PDZRN3: variants seen among roughly 807,000 people sequenced by gnomAD.
The protein encoded by PDZRN3 is E3 ubiquitin-protein ligase PDZRN3.
In PDZRN3, 38 loss-of-function variants were observed where a neutral mutation model predicts 85.7. The observed-to-expected ratio is 0.44, with a 90% CI of 0.34 to 0.58. The LOEUF (loss-of-function observed/expected upper bound fraction) is 0.58, where lower values mean the gene tolerates loss of function less well. Ranked by LOEUF, PDZRN3 falls within the 20% of genes least tolerant of loss-of-function variation. The probability of loss-of-function intolerance (pLI) is 0.01; values close to 1 mark genes in which losing one functional copy is unlikely to be tolerated. For synonymous variants in PDZRN3, 759 were observed against 638.0 expected (o/e 1.19, Z -2.86); for missense variants, 1,629 against 1,506.4 (o/e 1.08, Z -1.35).
chr3:73,544,433 C>T (rs1701371107), intron 3 of PDZRN3, among the ~76,000 whole-genome samples: 1 of 151,936 alleles, frequency 6.6e-6, no homozygotes, highest in South Asian at 2.1e-4. Flanking sequence ...GCTTTTCCCC[C>T]CAGTTTTATG....
At chr3:73,402,993 G>C (rs373317829) in intron 4 of PDZRN3, among the ~76,000 whole-genome samples, 1 of 147,380 alleles carries the variant, frequency 6.8e-6, no homozygotes, top group South Asian at 2.1e-4. Flanking sequence ...GCCCAGGCTG[G>C]AGTGCAGTGG....
chr3:73,422,847 G>T (rs1702231646), intron 3 of PDZRN3, among the ~76,000 whole-genome samples: 1 of 152,180 alleles, frequency 6.6e-6, no homozygotes, highest in African/African-American at 2.4e-5. Context: ...ATACTGGGAA[G>T]TTTCCAGGTA....
At position 73,499,238 on chromosome 3, in the gene PDZRN3, G is replaced by A. The variant is rs966477667; in HGVS notation, c.919-94843C>T. Among the ~76,000 whole-genome samples, 6 of 152,190 alleles carry A rather than the reference G, an allele frequency of 3.9e-5. No individual in the cohort carries two copies. The South Asian group carries it at 1.2e-3, about 32-fold the overall frequency. On this transcript the variant is annotated intron_variant, in intron 3 of 9. Transcript: ENST00000263666. Reference sequence around the variant, plus strand: ...CTCTGGGCACTGGTTACAAACATCAGTGAAGACCGGCGAGTCCTGATCTCA... The same window carrying A: ...CTCTGGGCACTGGTTACAAACATCAATGAAGACCGGCGAGTCCTGATCTCA...
Position 73,383,439 on chromosome 3 carries a change from G to A in PDZRN3, c.3127C>T (p.Leu1043Phe), listed in dbSNP as rs778111536. Residue 1043 changes from leucine to phenylalanine, a missense_variant, in exon 10 of 10, where the codon CTC becomes TTC. Coordinates refer to ENST00000263666, the MANE Select transcript of PDZRN3 (RefSeq NM_015009.3). ...GGGGATTTTGTGCCGTGGGTTAAGA[G>A]TTCTTGGATCGTCATCCAGTTATCG... is the stretch of plus-strand genomic sequence containing the variant. ...IFDNWMTIQELLTHGTKSPDG... is the reference protein window; with the variant it reads ...IFDNWMTIQEFLTHGTKSPDG... 6.2e-7 allele frequency: 1 copy of A among 1,614,094 alleles called. No homozygotes were observed. Among genetic ancestry groups the A allele is most frequent in the East Asian group, 2.2e-5 (1 of 44,878 alleles).
At chr3:73,599,901 G>A (rs1253874776) in intron 3 of PDZRN3, among the ~76,000 whole-genome samples, 1 of 152,240 alleles carries the variant, frequency 6.6e-6, no homozygotes, top group East Asian at 1.9e-4. Flanking sequence ...CTGGCATATT[G>A]ATATATTTTA....
intron 3 of PDZRN3, among the ~76,000 whole-genome samples, chr3:73,442,681 G>A (rs1017674670): frequency 5.1e-5 from 7 of 136,562 alleles, no homozygotes; most frequent in South Asian, 2.4e-4. Flanking sequence ...AGCAGCAGTC[G>A]TCTGAAAATG....
intron 1 of PDZRN3, among the ~76,000 whole-genome samples, chr3:73,613,166 C>A (rs2106910696): frequency 6.6e-6 from 1 of 152,160 alleles, no homozygotes; most frequent in African/African-American, 2.4e-5. Flanking sequence ...TTTAGGGGAC[C>A]AGTGGAGTGA....
rs5850113 is a variant in PDZRN3 at position 73,492,984 on chromosome 3, C to CTTTTTTT, written c.919-88596_919-88590dup. 3.6e-4 allele frequency among the ~76,000 whole-genome samples: 37 copies of CTTTTTTT among 104,016 alleles called. 1 individual carries two copies. Among genetic ancestry groups the CTTTTTTT allele is most frequent in the South Asian group, 7.1e-4 (2 of 2,800 alleles). 68.2% of individuals were successfully genotyped at this position (104,016 alleles called of 152,430 possible). A position where few individuals can be genotyped will look rare whatever the true frequency, so the allele number is the denominator to read the frequency against. ...TAGACTAGATGGAAGGCTTTTCAAC[C>CTTTTTTT]TTTTTTTTTTTTTTTTTTGGCCCTC... On this transcript the variant is annotated intron_variant, in intron 3 of 9. Transcript: ENST00000263666.
chr3:73,388,013 T>C lies in PDZRN3; in HGVS notation c.1473A>G (p.Glu491=). The change falls in exon 8 of 10, where the codon GAA becomes GAG. Residue 491 remains glutamate (E), a synonymous_variant. Transcript: ENST00000263666. Reference sequence around the variant, plus strand: ...TCAGCAATGAAAAGTTTTTATTTTCTTCACTGGTTAGAAGAGCCACAGCCT... The same window carrying C: ...TCAGCAATGAAAAGTTTTTATTTTCCTCACTGGTTAGAAGAGCCACAGCCT... ...REEAVALLTS[E]ENKNFSLLIA... 7.0e-6 allele frequency: 11 copies of C among 1,582,558 alleles called. No homozygotes were observed. The highest frequency in any genetic ancestry group is 1.3e-5 in the African/African-American group (1 of 74,120).
chr3:73,586,204 A>C (rs1702274452), intron 3 of PDZRN3, among the ~76,000 whole-genome samples: 1 of 152,194 alleles, frequency 6.6e-6, no homozygotes, highest in Admixed American at 6.5e-5. Context: ...CTTCTAAAGA[A>C]AGGAACTCTT....
chr3:73,463,679 A>C (rs1703152228), intron 3 of PDZRN3, among the ~76,000 whole-genome samples: 1 of 152,232 alleles, frequency 6.6e-6, no homozygotes, highest in South Asian at 2.1e-4. Flanking sequence ...ATATATGCTC[A>C]AAGAAATATA....
At chr3:73,575,263 C>T (rs1370459880) in intron 3 of PDZRN3, among the ~76,000 whole-genome samples, 2 of 152,106 alleles carry the variant, frequency 1.3e-5, no homozygotes, top group Admixed American at 6.5e-5. Context: ...TTGCAGTTCA[C>T]GTCGGTGCCT....
chr3:73,616,980 T>C (rs908835181), intron 1 of PDZRN3, among the ~76,000 whole-genome samples: 2 of 152,212 alleles, frequency 1.3e-5, no homozygotes, highest in Non-Finnish European at 2.9e-5. Context: ...CAGGGCACCT[T>C]GGAGTCAGCC....
chr3:73,383,267 A>T lies in PDZRN3; in HGVS notation c.*98T>A. 4 of 1,136,836 alleles carry T rather than the reference A, an allele frequency of 3.5e-6. No individual in the cohort carries two copies. The highest frequency in any genetic ancestry group is 5.1e-6 in the Non-Finnish European group (4 of 788,020). The allele number at this position is 1,136,836 out of a possible 1,614,324, so 70.4% of individuals were successfully genotyped here. ...TTTGGACTATAAACATGAAGACCGT[A>T]CTTATCTTATATACAAAAACTTGCC... On this transcript the variant is annotated 3_prime_UTR_variant, in exon 10 of 10. Coordinates refer to ENST00000263666, the MANE Select transcript of PDZRN3 (RefSeq NM_015009.3).
intron 3 of PDZRN3, among the ~76,000 whole-genome samples, chr3:73,457,662 C>T (rs1236821294): frequency 6.6e-6 from 1 of 152,156 alleles, no homozygotes; most frequent in Non-Finnish European, 1.5e-5. Context: ...GTATGTGTCT[C>T]TCCAAAATTC....
At chr3:73,588,185 T>TC (rs1702305028) in intron 3 of PDZRN3, among the ~76,000 whole-genome samples, 1 of 152,130 alleles carries the variant, frequency 6.6e-6, no homozygotes, top group Non-Finnish European at 1.5e-5. Context: ...CGTGCAGTAT[T>TC]TGGTTTTCTG....
At chr3:73,591,273 C>T (rs1702353023) in intron 3 of PDZRN3, among the ~76,000 whole-genome samples, 1 of 152,104 alleles carries the variant, frequency 6.6e-6, no homozygotes, top group African/African-American at 2.4e-5. Flanking sequence ...GTTTTTGGCA[C>T]TTTAAAAATA....
chr3:73,486,927 T>C (rs1367261481), intron 3 of PDZRN3, among the ~76,000 whole-genome samples: 1 of 23,810 alleles, frequency 4.2e-5, no homozygotes, highest in East Asian at 1.2e-3. Flanking sequence ...TATGGCCTAT[T>C]ATAAGCTAAA....
At chr3:73,620,618 C>T (rs1702843212) in intron 1 of PDZRN3, among the ~76,000 whole-genome samples, 1 of 146,432 alleles carries the variant, frequency 6.8e-6, no homozygotes, top group African/African-American at 2.5e-5. Context: ...GCTCTTTCAC[C>T]CAGGCCGGAG....
Sources: allele counts gnomAD v4.1 joint callset (sites outside exome capture counted in the v4.1 genomes callset), GRCh38; gene constraint gnomAD v4.1.1; transcripts MANE v1.5; gene names NCBI Gene and HGNC (gene_info 2026-07-23, HGNC 2026-07-21).